Variants in CHRM3 observed in about 807,000 individuals in gnomAD.
CHRM3 encodes the protein muscarinic acetylcholine receptor M3.
Under a neutral mutation model 41.8 loss-of-function variants are expected in CHRM3, and 11 were observed. That is an observed-to-expected ratio of 0.26 (90% CI 0.17 to 0.44). CHRM3 has a LOEUF of 0.44. CHRM3 is among the 20% of genes least tolerant of loss of function. The probability of loss-of-function intolerance (pLI) is 1.00; values close to 1 mark genes in which losing one functional copy is unlikely to be tolerated. For missense variants in CHRM3, 571 were observed against 745.4 expected, an observed-to-expected ratio of 0.77 and a Z score of 2.72; for synonymous variants, 297 against 301.4, an observed-to-expected ratio of 0.99 and a Z score of 0.15.
At chr1:239,782,568 G>A (rs1668586176) in intron 5 of CHRM3, among the ~76,000 whole-genome samples, 1 of 151,992 alleles carries the variant, frequency 6.6e-6, no homozygotes. Flanking sequence ...TTTCAGTTTA[G>A]TTGATATTCT....
intron 5 of CHRM3, among the ~76,000 whole-genome samples, chr1:239,755,986 T>C (rs1666211725): frequency 6.6e-6 from 1 of 152,228 alleles, no homozygotes; most frequent in Admixed American, 6.5e-5. Flanking sequence ...GATGAGGCAG[T>C]TGTATGTAGA....
intron 5 of CHRM3, among the ~76,000 whole-genome samples, chr1:239,790,886 A>G (rs1053848839): frequency 2.0e-5 from 3 of 152,230 alleles, no homozygotes; most frequent in Non-Finnish European, 4.4e-5. Context: ...CATCTACTCC[A>G]TAATGTAAAA....
At chr1:239,599,295 G>A (rs775860500) in intron 3 of CHRM3, among the ~76,000 whole-genome samples, 20 of 152,030 alleles carry the variant, frequency 1.3e-4, no homozygotes, top group African/African-American at 4.1e-4. Flanking sequence ...CAGTGACAAC[G>A]CTCTCCCTCA....
In CHRM3 at chr1:239,803,574, C is replaced by G. The variant is rs140855708; in HGVS notation, c.-146-23678C>G. ...TATGAGACAGAGCTGATACGTGGAG[C>G]CTTGAATTTCATGAGGTGCCTTCAG... On this transcript the variant is annotated intron_variant, in intron 5 of 6. Transcript: ENST00000676153. Among the ~76,000 whole-genome samples, 26 of 152,186 alleles carry G rather than the reference C, an allele frequency of 1.7e-4. No homozygotes were observed. The East Asian group carries it at 4.6e-3, about 27-fold the overall frequency.
At chr1:239,735,700 G>C (rs1664337001) in intron 5 of CHRM3, among the ~76,000 whole-genome samples, 1 of 152,068 alleles carries the variant, frequency 6.6e-6, no homozygotes, top group African/African-American at 2.4e-5. Context: ...GGTTGATTTT[G>C]GTTCAATTAG....
intron 3 of CHRM3, among the ~76,000 whole-genome samples, chr1:239,591,002 A>T (rs1168049828): frequency 6.6e-6 from 1 of 152,184 alleles, no homozygotes; most frequent in Non-Finnish European, 1.5e-5. Flanking sequence ...CAGTCTCCCC[A>T]TCACAGTAAG....
At chr1:239,657,528 G>A (rs961844153) in intron 4 of CHRM3, among the ~76,000 whole-genome samples, 1 of 152,204 alleles carries the variant, frequency 6.6e-6, no homozygotes, top group African/African-American at 2.4e-5. Context: ...GCGCTTTGAT[G>A]ACTCAACACA....
rs574358551 is a variant in CHRM3 at position 239,640,439 on chromosome 1, C to A, written c.-250+8153C>A. Among the ~76,000 whole-genome samples the A allele has an allele frequency of 2.0e-3, 300 of 152,268 alleles. 3 individuals carry two copies. Among genetic ancestry groups the A allele is most frequent in the Non-Finnish European group, 3.4e-3 (232 of 68,036 alleles). On this transcript the variant is annotated intron_variant, in intron 4 of 6. Transcript: ENST00000676153. ...AAGCTATTGATTATTGCCACAATTTCAGATCCTGTTATTGGTCTATTCAGA... is the reference window on the plus strand; with the variant it reads ...AAGCTATTGATTATTGCCACAATTTAAGATCCTGTTATTGGTCTATTCAGA...
chr1:239,826,042 C>T (rs1672431742), intron 5 of CHRM3, among the ~76,000 whole-genome samples: 1 of 152,054 alleles, frequency 6.6e-6, no homozygotes, highest in African/African-American at 2.4e-5. Flanking sequence ...TTTCTGGGAA[C>T]TGGGAAGAGG....
At chr1:239,628,588 T>A (rs1430126319) in intron 3 of CHRM3, among the ~76,000 whole-genome samples, 1 of 67,976 alleles carries the variant, frequency 1.5e-5, no homozygotes, top group Non-Finnish European at 2.5e-5. Context: ...TCTGTGTTTT[T>A]GAGTTTCCAG....
chr1:239,790,967 A>T (rs1285431677), intron 5 of CHRM3, among the ~76,000 whole-genome samples: 1 of 151,936 alleles, frequency 6.6e-6, no homozygotes, highest in Non-Finnish European at 1.5e-5. Context: ...GAAAAACAAG[A>T]GAGATTTTAT....
chr1:239,606,162 A>C (rs1490338061), intron 3 of CHRM3: 1 of 152,140 alleles, frequency 6.6e-6, no homozygotes, highest in Admixed American at 6.6e-5. Flanking sequence ...ATTTTGTCTT[A>C]GAATATGTGT....
intron 5 of CHRM3, among the ~76,000 whole-genome samples, chr1:239,775,551 A>G (rs1668023827): frequency 6.6e-6 from 1 of 152,240 alleles, no homozygotes; most frequent in Admixed American, 6.5e-5. Flanking sequence ...CCAAAATCTC[A>G]GTGCCAAGTA....
At chr1:239,516,717 G>A (rs1669297493) in intron 2 of CHRM3, among the ~76,000 whole-genome samples, 1 of 152,206 alleles carries the variant, frequency 6.6e-6, no homozygotes, top group Non-Finnish European at 1.5e-5. Context: ...TGGCCTATTA[G>A]GAACCAGGCC....
intron 3 of CHRM3, among the ~76,000 whole-genome samples, chr1:239,615,088 C>T (rs115412677): frequency 1.1e-3 from 170 of 152,140 alleles, no homozygotes; most frequent in African/African-American, 3.9e-3. Context: ...AAAAAGGATG[C>T]GGGAGGTCAG....
intron 6 of CHRM3, among the ~76,000 whole-genome samples, chr1:239,840,032 C>T (rs967264181): frequency 6.6e-6 from 1 of 152,142 alleles, no homozygotes; most frequent in Non-Finnish European, 1.5e-5. Flanking sequence ...TGATAATGCA[C>T]GCATACACTT....
chr1:239,514,443 T>C, intron 2 of CHRM3, among the ~76,000 whole-genome samples: 1 of 152,064 alleles, frequency 6.6e-6, no homozygotes. Context: ...ATTGCTGGTT[T>C]ATAGGTAAGC....
chr1:239,733,466 A>C (rs981310561), intron 5 of CHRM3, among the ~76,000 whole-genome samples: 5 of 152,168 alleles, frequency 3.3e-5, no homozygotes, highest in African/African-American at 9.6e-5. Context: ...TATATACCTG[A>C]CATCTAGTAA....
At chr1:239,651,858 C>T (rs749335820) in intron 4 of CHRM3, among the ~76,000 whole-genome samples, 45 of 152,278 alleles carry the variant, frequency 3.0e-4, no homozygotes, top group Middle Eastern at 3.4e-3. Context: ...AGCACCCCCC[C>T]ACACCCCTGC....
Sources: gnomAD v4.1 joint callset for allele counts (sites outside exome capture counted in the v4.1 genomes callset) on GRCh38, gnomAD v4.1.1 for gene constraint, MANE v1.5 for transcripts, NCBI Gene and HGNC (gene_info 2026-07-23, HGNC 2026-07-21) for gene names.